The following THSD4 variants were observed in gnomAD, a reference collection of about 807,000 sequenced individuals.
THSD4 encodes thrombospondin type-1 domain-containing protein 4.
A neutral mutation model predicts 119.0 loss-of-function variants in THSD4; 69 were observed. The ratio of observed to expected loss-of-function variants is 0.58; its 90% CI spans 0.48 to 0.71. The LOEUF is 0.71. Among genes scored for constraint, THSD4 ranks in the 30% least tolerant of loss-of-function variants. The pLI, the probability that THSD4 is intolerant of heterozygous loss-of-function variation, is 0.00. For synonymous variants in THSD4, 524 were observed against 540.4 expected (o/e 0.97, Z 0.42); for missense variants, 1,393 against 1,391.1 (o/e 1.00, Z -0.02).
At chr15:71,155,051 C>T in intron 3 of THSD4, 119 bp downstream of exon 3, 1 of 913,960 alleles carries the variant, frequency 1.1e-6, no homozygotes, top group Non-Finnish European at 1.8e-6. Context: ...AAAGGAAGCA[C>T]CATTTACAGA....
At chr15:71,235,742 A>T (rs1252147034) in intron 4 of THSD4, among the ~76,000 whole-genome samples, 1 of 151,996 alleles carries the variant, frequency 6.6e-6, no homozygotes, top group African/African-American at 2.4e-5. Flanking sequence ...GTGTGCACCC[A>T]TCACGCCTGG....
chr15:71,222,827 A>C lies in THSD4; in HGVS notation c.464+7428A>C, dbSNP rs893847622. ...ATACAGTGCTTTATTAGAATCTAGA[A>C]GAACAGGAGCTACACACCCTGAAAG... On this transcript the variant is annotated intron_variant, in intron 4 of 17. Transcript: ENST00000261862. Among the ~76,000 whole-genome samples the C allele has an allele frequency of 5.9e-5, 9 of 152,176 alleles. No individual in the cohort carries two copies. In the East Asian group the frequency reaches 1.7e-3, roughly 29 times the overall value.
chr15:71,120,309 C>T (rs1479943155), intron 1 of THSD4, among the ~76,000 whole-genome samples: 4 of 152,220 alleles, frequency 2.6e-5, no homozygotes, highest in Non-Finnish European at 5.9e-5. Context: ...TGTATTGATG[C>T]GTTGTCTTGG....
intron 7 of THSD4, among the ~76,000 whole-genome samples, chr15:71,628,801 G>C (rs1425807342): frequency 6.6e-6 from 1 of 152,188 alleles, no homozygotes; most frequent in Non-Finnish European, 1.5e-5. Context: ...GCAAGTTTGG[G>C]AAGCCCCCAC....
chr15:71,588,095 A>G (rs2049718090), intron 7 of THSD4, among the ~76,000 whole-genome samples: 1 of 152,012 alleles, frequency 6.6e-6, no homozygotes, highest in Non-Finnish European at 1.5e-5. Context: ...TCACGAGGTC[A>G]GGAGATCGAG....
intron 8 of THSD4, among the ~76,000 whole-genome samples, chr15:71,702,749 G>C (rs1423145106): frequency 6.6e-6 from 1 of 152,088 alleles, no homozygotes; most frequent in African/African-American, 2.4e-5. Context: ...TCTTCACAAG[G>C]CTGGCTCTTT....
intron 7 of THSD4, among the ~76,000 whole-genome samples, chr15:71,423,074 C>T (rs2046828482): frequency 6.6e-6 from 1 of 152,292 alleles, no homozygotes; most frequent in South Asian, 2.1e-4. Context: ...CTGGGACCCA[C>T]CCTTTAGAGC....
intron 11 of THSD4, among the ~76,000 whole-genome samples, chr15:71,739,969 A>G (rs758180390): frequency 1.3e-5 from 2 of 152,060 alleles, no homozygotes; most frequent in Non-Finnish European, 2.9e-5. Flanking sequence ...TCATAAGAGC[A>G]TTGGCTTAGT....
At chr15:71,401,411 G>A (rs561745847) in intron 6 of THSD4, among the ~76,000 whole-genome samples, 5 of 152,144 alleles carry the variant, frequency 3.3e-5, no homozygotes, top group African/African-American at 7.2e-5. Flanking sequence ...TCTATTCCAC[G>A]TTATGTGTGT....
At chr15:71,741,059 A>G (rs1254399521) in intron 11 of THSD4, among the ~76,000 whole-genome samples, 1 of 152,228 alleles carries the variant, frequency 6.6e-6, no homozygotes, top group African/African-American at 2.4e-5. Flanking sequence ...CACATTTCAA[A>G]TGCGGAATAT....
At position 71,243,043 on chromosome 15, in the gene THSD4, A is replaced by G; in HGVS notation, c.859A>G (p.Thr287Ala). 6.2e-7 allele frequency: 1 copy of G among 1,614,216 alleles called. No individual in the cohort carries two copies. The highest frequency in any genetic ancestry group is 1.3e-5 in the African/African-American group (1 of 75,064). The change falls in exon 5 of 18, where the codon ACA becomes GCA. Residue 287 changes from threonine (T) to alanine (A), a missense_variant. Transcript: ENST00000261862. The part of the protein sequence containing the change: ...TQSFSQPARS[T>A]AISCIGAYRQ... ...GAGCTTCTCTCAGCCTGCCCGATCT[A>G]CAGCAATCTCATGCATCGGGGCCTA...
At chr15:71,712,238 C>T (rs2052531343) in intron 8 of THSD4, among the ~76,000 whole-genome samples, 1 of 151,968 alleles carries the variant, frequency 6.6e-6, no homozygotes, top group South Asian at 2.1e-4. Flanking sequence ...TAAAAAATAA[C>T]ATAGGAATGA....
chr15:71,383,201 G>T (rs1002610292), intron 6 of THSD4, among the ~76,000 whole-genome samples: 5 of 152,118 alleles, frequency 3.3e-5, no homozygotes, highest in African/African-American at 1.2e-4. Context: ...GTAATTTTGG[G>T]GGACCAGCAG....
intron 7 of THSD4, among the ~76,000 whole-genome samples, chr15:71,633,106 C>T (rs760204502): frequency 1.3e-5 from 2 of 152,120 alleles, no homozygotes; most frequent in Non-Finnish European, 2.9e-5. Flanking sequence ...AAGTTGGTCT[C>T]TTCAGGTTCT....
intron 6 of THSD4, among the ~76,000 whole-genome samples, chr15:71,370,584 G>T (rs2046030514): frequency 6.6e-6 from 1 of 152,186 alleles, no homozygotes; most frequent in Non-Finnish European, 1.5e-5. Context: ...CCATGTAGTT[G>T]AGCGGTTTTG....
At chr15:71,505,355 A>G (rs2048171477) in intron 7 of THSD4, among the ~76,000 whole-genome samples, 1 of 152,202 alleles carries the variant, frequency 6.6e-6, no homozygotes, top group Non-Finnish European at 1.5e-5. Flanking sequence ...TATCTGTTTA[A>G]ACATTGTCCA....
intron 6 of THSD4, among the ~76,000 whole-genome samples, chr15:71,292,092 A>T (rs2044799988): frequency 6.6e-6 from 1 of 152,216 alleles, no homozygotes; most frequent in Non-Finnish European, 1.5e-5. Flanking sequence ...TTTGGAAATC[A>T]GTGTTGGAAA....
At chr15:71,196,890 GT>G (rs2043724477) in intron 3 of THSD4, among the ~76,000 whole-genome samples, 2 of 152,152 alleles carry the variant, frequency 1.3e-5, no homozygotes, top group Admixed American at 1.3e-4. Flanking sequence ...CAGTGGAGGA[GT>G]TGGTTCCAGG....
In THSD4 at chr15:71,263,331, G is replaced by GTATATATATATATATA. The variant is rs60448462; in HGVS notation, c.1015+6617_1015+6632dup. On this transcript the variant is annotated intron_variant, in intron 6 of 17. Coordinates refer to ENST00000261862, the MANE Select transcript of THSD4 (RefSeq NM_024817.3). ...TTTTATGGCTGCATAGTATTCCATG[G>GTATATATATATATATA]TATATATATATATATACGACATTTT... 7.0e-3 allele frequency among the ~76,000 whole-genome samples: 971 copies of GTATATATATATATATA among 138,834 alleles called. 30 individuals carry two copies. The highest frequency in any genetic ancestry group is 0.026 in the South Asian group (112 of 4,336). 91.1% of individuals were successfully genotyped at this position (138,834 alleles called of 152,430 possible).
Sources: gnomAD v4.1 joint callset for allele counts (sites outside exome capture counted in the v4.1 genomes callset) on GRCh38, gnomAD v4.1.1 for gene constraint, MANE v1.5 for transcripts, NCBI Gene and HGNC (gene_info 2026-07-23, HGNC 2026-07-21) for gene names.